Variants in RACGAP1 observed in about 807,000 individuals in gnomAD.
RACGAP1 encodes the protein rac GTPase-activating protein 1.
A neutral mutation model predicts 78.1 loss-of-function variants in RACGAP1; 30 were observed. The ratio of observed to expected loss-of-function variants is 0.38; its 90% confidence interval spans 0.29 to 0.52. The LOEUF (loss-of-function observed/expected upper bound fraction) is 0.52. Among genes scored for constraint, RACGAP1 ranks in the 20% least tolerant of loss-of-function variants. RACGAP1 has a pLI of 0.82. For synonymous variants in RACGAP1, 231 were observed against 264.8 expected, an observed-to-expected ratio of 0.87 and a Z score of 1.24; for missense variants, 587 against 777.1, an observed-to-expected ratio of 0.76 and a Z score of 2.91.
In RACGAP1 at chr12:49,994,525, A is replaced by G. The variant is rs770168591; in HGVS notation, c.1045-16T>C. On this transcript the variant is annotated splice_polypyrimidine_tract_variant and intron_variant, in intron 10 of 16. Coordinates refer to ENST00000312377, the MANE Select transcript of RACGAP1 (RefSeq NM_001319999.2). The stretch of plus-strand genomic sequence containing the variant: ...CCAGCATTCCCTGGAAAAAAAAAAG[A>G]GCTTTAAATTATTATTTACGCCATG... 2.5e-6 allele frequency: 4 copies of G among 1,606,640 alleles called. No individual in the cohort carries two copies. The highest frequency in any genetic ancestry group is 3.4e-6 in the Non-Finnish European group (4 of 1,178,078).
At chr12:50,005,706 T>C (rs899140755) in intron 3 of RACGAP1, among the ~76,000 whole-genome samples, 7 of 152,216 alleles carry the variant, frequency 4.6e-5, no homozygotes, top group East Asian at 3.8e-4. Context: ...AAAAACACTT[T>C]AGTGTCATTT....
intron 2 of RACGAP1, among the ~76,000 whole-genome samples, chr12:50,008,169 G>GGAA (rs757465909): frequency 1.6e-5 from 1 of 60,682 alleles, no homozygotes; most frequent in African/African-American, 7.7e-5. Context: ...TGAGAAATGT[G>GGAA]AAAAAAAAAA....
intron 1 of RACGAP1, among the ~76,000 whole-genome samples, chr12:50,020,483 C>T (rs1288347378): frequency 1.3e-5 from 2 of 152,062 alleles, no homozygotes; most frequent in East Asian, 3.8e-4. Context: ...CATGCCTGGC[C>T]TCACTAACTT....
intron 7 of RACGAP1, 22 bp downstream of exon 7, chr12:50,001,150 A>G: frequency 6.5e-7 from 1 of 1,543,656 alleles, no homozygotes; most frequent in South Asian, 1.1e-5. Context: ...AATCTCTGTT[A>G]CCTTGGCCTG....
At chr12:50,029,786 G>A (rs956836542), upstream of RACGAP1, among the ~76,000 whole-genome samples, 12 of 151,216 alleles carry the variant, frequency 7.9e-5, no homozygotes, top group South Asian at 4.2e-4. Flanking sequence ...CCAGCTACTC[G>A]GGAGGCTGAG....
intron 5 of RACGAP1, among the ~76,000 whole-genome samples, chr12:50,003,376 T>C (rs1434891010): frequency 6.6e-6 from 1 of 152,244 alleles, no homozygotes; most frequent in African/African-American, 2.4e-5. Flanking sequence ...AGTTTTATTA[T>C]ATATTCCAGA....
chr12:50,024,347 A>G (rs1950170159), intron 1 of RACGAP1, among the ~76,000 whole-genome samples: 1 of 152,230 alleles, frequency 6.6e-6, no homozygotes, highest in African/African-American at 2.4e-5. Flanking sequence ...AAAGAATGAA[A>G]TCACGTCTTT....
intron 8 of RACGAP1, 70 bp downstream of exon 8, chr12:49,999,546 T>C: frequency 7.2e-7 from 1 of 1,384,332 alleles, no homozygotes; most frequent in Non-Finnish European, 1.0e-6. Context: ...CAGAGGGTTC[T>C]AAGAAACCAA....
intron 9 of RACGAP1, 107 bp downstream of exon 9, chr12:49,999,034 G>A: frequency 2.3e-6 from 3 of 1,320,712 alleles, no homozygotes; most frequent in Non-Finnish European, 3.0e-6. Flanking sequence ...AATGAGGAAG[G>A]AAATTTGACA....
chr12:49,995,482 T>C (rs1040036595), intron 10 of RACGAP1, among the ~76,000 whole-genome samples: 3 of 152,156 alleles, frequency 2.0e-5, no homozygotes, highest in African/African-American at 7.2e-5. Flanking sequence ...CTTGCTAATG[T>C]TACTTACATA....
intron 6 of RACGAP1, among the ~76,000 whole-genome samples, chr12:50,001,490 T>C (rs961797632): frequency 4.6e-5 from 7 of 152,136 alleles, no homozygotes; most frequent in African/African-American, 1.2e-4. Context: ...GAGCAAGCTA[T>C]GGAGAAATTT....
At chr12:50,006,300 C>T in intron 3 of RACGAP1, 134 bp downstream of exon 3, 1 of 888,530 alleles carries the variant, frequency 1.1e-6, no homozygotes. Flanking sequence ...CATGGGCAAG[C>T]TGTTAAAGAA....
intron 10 of RACGAP1, among the ~76,000 whole-genome samples, chr12:49,996,355 G>A (rs186250907): frequency 6.7e-4 from 101 of 151,350 alleles, no homozygotes; most frequent in African/African-American, 2.4e-3. Context: ...ATGACCAGGC[G>A]CGGTGGCTCA....
At chr12:49,997,272 C>CA in intron 9 of RACGAP1, 68 bp from the exon 10 acceptor site, 2 of 1,159,484 alleles carry the variant, frequency 1.7e-6, no homozygotes, top group Non-Finnish European at 2.2e-6. Context: ...AATCAACTAA[C>CA]TTTTTTTTTT....
At chr12:50,008,827 A>G (rs1185664213) in intron 2 of RACGAP1, among the ~76,000 whole-genome samples, 1 of 152,148 alleles carries the variant, frequency 6.6e-6, no homozygotes, top group Non-Finnish European at 1.5e-5. Flanking sequence ...TTCTGCTATG[A>G]GCAAAGTTTG....
At chr12:49,999,520 A>AT in intron 8 of RACGAP1, 96 bp downstream of exon 8, 1 of 1,149,860 alleles carries the variant, frequency 8.7e-7, no homozygotes, top group Non-Finnish European at 1.3e-6. Context: ...TACCCAATAC[A>AT]TCCAATCCCC....
intron 2 of RACGAP1, among the ~76,000 whole-genome samples, chr12:50,010,265 A>G (rs1030792550): frequency 2.6e-5 from 4 of 151,962 alleles, no homozygotes; most frequent in African/African-American, 9.7e-5. Context: ...TTTTTAAAAT[A>G]TTAACTTTCA....
At position 49,990,228 on chromosome 12, in the gene RACGAP1, A is replaced by G; in HGVS notation, c.*40T>C. On this transcript the variant is annotated 3_prime_UTR_variant, in exon 17 of 17. Transcript: ENST00000312377. Reference sequence around the variant, plus strand: ...GCAGAGTACAGATGTGTCCTTTCTTATAGTCAGTCAATGCTGGGAAGTAAC... The same window carrying G: ...GCAGAGTACAGATGTGTCCTTTCTTGTAGTCAGTCAATGCTGGGAAGTAAC... 6.5e-7 allele frequency: 1 copy of G among 1,532,378 alleles called. No individual in the cohort carries two copies. The highest frequency in any genetic ancestry group is 9.0e-7 in the Non-Finnish European group (1 of 1,106,742). 94.9% of individuals were successfully genotyped at this position (1,532,378 alleles called of 1,614,324 possible). A position where few individuals can be genotyped will look rare whatever the true frequency, so the allele number is the denominator to read the frequency against.
chr12:49,995,897 A>T (rs1195906386), intron 10 of RACGAP1, among the ~76,000 whole-genome samples: 1 of 152,244 alleles, frequency 6.6e-6, no homozygotes. Flanking sequence ...TATGTCTAAC[A>T]TAAGAGCAAG....
Sources: allele counts gnomAD v4.1 joint callset (sites outside exome capture counted in the v4.1 genomes callset), GRCh38; gene constraint gnomAD v4.1.1; transcripts MANE v1.5; gene names NCBI Gene and HGNC (gene_info 2026-07-23, HGNC 2026-07-21).